The following CTTNBP2NL variants were observed in gnomAD, a reference collection of about 807,000 sequenced individuals.
CTTNBP2NL encodes the protein CTTNBP2 N-terminal-like protein.
Under a neutral mutation model 32.5 loss-of-function variants are expected in CTTNBP2NL, and 16 were observed. That is an observed-to-expected ratio of 0.49 (90% CI 0.33 to 0.75). The LOEUF is 0.75. CTTNBP2NL is among the 30% of genes least tolerant of loss of function. The pLI is 0.02. For missense variants in CTTNBP2NL, 645 were observed against 756.0 expected (o/e 0.85, Z 1.72); for synonymous variants, 298 against 289.4 (o/e 1.03, Z -0.30).
chr1:112,454,633 C>G (rs1650313479), intron 5 of CTTNBP2NL, 77 bp downstream of exon 5: 1 of 1,078,926 alleles, frequency 9.3e-7, no homozygotes, highest in Admixed American at 1.7e-5. Context: ...AGGATGCCAA[C>G]TGGTATTGTT....
At chr1:112,450,308 A>G (rs1162541267) in intron 4 of CTTNBP2NL, among the ~76,000 whole-genome samples, 1 of 152,224 alleles carries the variant, frequency 6.6e-6, no homozygotes, top group African/African-American at 2.4e-5. Context: ...GAAAATAGAC[A>G]GAATGTTCAG....
At chr1:112,450,722 GT>G (rs1338376156) in intron 4 of CTTNBP2NL, among the ~76,000 whole-genome samples, 1 of 149,036 alleles carries the variant, frequency 6.7e-6, no homozygotes, top group African/African-American at 2.5e-5. Context: ...AGTGCTAAAT[GT>G]TTTAAGTGAA....
At chr1:112,428,087 A>G (rs969191414) in intron 3 of CTTNBP2NL, among the ~76,000 whole-genome samples, 1 of 151,984 alleles carries the variant, frequency 6.6e-6, no homozygotes, top group Non-Finnish European at 1.5e-5. Context: ...ATATATATGT[A>G]TCCACACACA....
chr1:112,407,679 T>A (rs1648708867), intron 1 of CTTNBP2NL, among the ~76,000 whole-genome samples: 1 of 152,204 alleles, frequency 6.6e-6, no homozygotes, highest in South Asian at 2.1e-4. Context: ...TGTATTATAG[T>A]AATCCAAATA....
At position 112,460,511 on chromosome 1, in the gene CTTNBP2NL, G is replaced by A. The variant is rs190160967; in HGVS notation, c.*3099G>A. 81 of 152,278 alleles carry A rather than the reference G, an allele frequency of 5.3e-4. No homozygotes were observed. Among genetic ancestry groups the A allele is most frequent in the African/African-American group, 1.6e-3 (65 of 41,560 alleles). The allele number at this position is 152,278 out of a possible 1,614,324, so 9.4% of individuals were successfully genotyped here. On this transcript the variant is annotated 3_prime_UTR_variant, in exon 6 of 6. Transcript: ENST00000271277. Reference sequence around the variant, plus strand: ...TTTTTGAGAATCTTAGAAAAGCCATGGAGTTTATCCCTAGAAAAATGAATA... The same window carrying A: ...TTTTTGAGAATCTTAGAAAAGCCATAGAGTTTATCCCTAGAAAAATGAATA...
At chr1:112,450,445 A>G (rs1337163555) in intron 4 of CTTNBP2NL, among the ~76,000 whole-genome samples, 2 of 152,214 alleles carry the variant, frequency 1.3e-5, no homozygotes, top group African/African-American at 2.4e-5. Flanking sequence ...TTACACTCCA[A>G]TTTAAAAGGT....
At position 112,457,614 on chromosome 1, in the gene CTTNBP2NL, A is replaced by C; in HGVS notation, c.*202A>C. Reference sequence around the variant, plus strand: ...TTTTATGGCTCACATCTTTTTACTGAAGCCAGAAAGGCACCTCAAAGATGT... The same window carrying C: ...TTTTATGGCTCACATCTTTTTACTGCAGCCAGAAAGGCACCTCAAAGATGT... On this transcript the variant is annotated 3_prime_UTR_variant, in exon 6 of 6. Coordinates refer to ENST00000271277, the MANE Select transcript of CTTNBP2NL (RefSeq NM_018704.3). The C allele has an allele frequency of 1.9e-6, 1 of 520,044 alleles. No individual in the cohort carries two copies. The highest frequency in any genetic ancestry group is 3.3e-6 in the Non-Finnish European group (1 of 300,322). 32.2% of individuals were successfully genotyped at this position (520,044 alleles called of 1,614,324 possible). A position where few individuals can be genotyped will look rare whatever the true frequency, so the allele number is the denominator to read the frequency against.
intron 1 of CTTNBP2NL, among the ~76,000 whole-genome samples, chr1:112,402,735 C>G (rs1332044498): frequency 6.6e-6 from 1 of 152,136 alleles, no homozygotes; most frequent in African/African-American, 2.4e-5. Flanking sequence ...TGGTCTAGCC[C>G]TATATATCAG....
chr1:112,439,482 C>T lies in CTTNBP2NL; in HGVS notation c.100-9460C>T, dbSNP rs1310564236. ...AGTTAAGACCCATCTCACAGTTACG[C>T]AGCTTCAGATCTCTCTCCCATAGAA... On this transcript the variant is annotated intron_variant, in intron 3 of 5. Transcript: ENST00000271277. Among the ~76,000 whole-genome samples the T allele has an allele frequency of 2.6e-5, 4 of 152,174 alleles. No homozygotes were observed. The East Asian group carries it at 5.8e-4, about 22-fold the overall frequency.
At chr1:112,392,059 A>G (rs1268896245), upstream of CTTNBP2NL, among the ~76,000 whole-genome samples, 2 of 152,070 alleles carry the variant, frequency 1.3e-5, no homozygotes, top group African/African-American at 2.4e-5. Flanking sequence ...GGAAATTGCT[A>G]CTCAGCTCCA....
At chr1:112,447,088 C>T (rs1244674910) in intron 3 of CTTNBP2NL, among the ~76,000 whole-genome samples, 6 of 151,880 alleles carry the variant, frequency 4.0e-5, no homozygotes, top group African/African-American at 1.5e-4. Flanking sequence ...TCCTGGCTAA[C>T]ATGGTGAAAC....
Position 112,449,008 on chromosome 1 carries a change from G to T in CTTNBP2NL, c.166G>T (p.Ala56Ser). The change falls in exon 4 of 6, where the codon GCT becomes TCT. Residue 56 changes from alanine (A) to serine (S), a missense_variant. Physicochemically the swap from Ala to Ser is moderately conservative, Grantham distance 99. Coordinates refer to ENST00000271277, the MANE Select transcript of CTTNBP2NL (RefSeq NM_018704.3). ...ATATAACATCAGTGATCCTTTAATG[G>T]CTCTACAGAGAGATTTTGAAACACT... ...GKYNISDPLM[A>S]LQRDFETLKE... 1 of 1,613,158 alleles carries T rather than the reference G, an allele frequency of 6.2e-7. No individual in the cohort carries two copies. Among genetic ancestry groups the T allele is most frequent in the Non-Finnish European group, 8.5e-7 (1 of 1,179,132 alleles).
intron 3 of CTTNBP2NL, among the ~76,000 whole-genome samples, chr1:112,438,206 A>G (rs1392027363): frequency 6.6e-6 from 1 of 152,100 alleles, no homozygotes; most frequent in Non-Finnish European, 1.5e-5. Context: ...TGTTTGTGTC[A>G]TCTCTGATTT....
At chr1:112,444,930 A>AGT (rs1649994980) in intron 3 of CTTNBP2NL, among the ~76,000 whole-genome samples, 1 of 152,134 alleles carries the variant, frequency 6.6e-6, no homozygotes, top group South Asian at 2.1e-4. Context: ...AATTTACCAG[A>AGT]GTTGGTCTGT....
At chr1:112,425,874 C>T (rs1050422610) in intron 3 of CTTNBP2NL, among the ~76,000 whole-genome samples, 3 of 151,868 alleles carry the variant, frequency 2.0e-5, no homozygotes, top group African/African-American at 7.3e-5. Flanking sequence ...ATCAATCAGT[C>T]AGTCGTTTCC....
At chr1:112,399,035 T>A (rs1648416541) in intron 1 of CTTNBP2NL, among the ~76,000 whole-genome samples, 2 of 152,016 alleles carry the variant, frequency 1.3e-5, no homozygotes, top group Admixed American at 1.3e-4. Context: ...GAATAGTTTC[T>A]GAGGCCAGGC....
chr1:112,416,503 CT>C (rs11384993), intron 3 of CTTNBP2NL, among the ~76,000 whole-genome samples: 207 of 145,630 alleles, frequency 1.4e-3, no homozygotes, highest in Admixed American at 3.0e-3. Flanking sequence ...GAACTTCATT[CT>C]TTTTTTTTTT....
intron 3 of CTTNBP2NL, among the ~76,000 whole-genome samples, chr1:112,443,720 AAT>A (rs1213153837): frequency 6.6e-6 from 1 of 152,232 alleles, no homozygotes; most frequent in Admixed American, 6.5e-5. Context: ...TTTTCCAAAA[AAT>A]AAAGTTTAAT....
At chr1:112,454,405 G>A in intron 4 of CTTNBP2NL, 44 bp from the exon 5 acceptor site, 1 of 1,417,794 alleles carries the variant, frequency 7.1e-7, no homozygotes, top group Non-Finnish European at 1.0e-6. Context: ...TAATAAATGT[G>A]ACTCCTTGAT....
Sources: gnomAD v4.1 joint callset for allele counts (sites outside exome capture counted in the v4.1 genomes callset) on GRCh38, gnomAD v4.1.1 for gene constraint, MANE v1.5 for transcripts, NCBI Gene and HGNC (gene_info 2026-07-23, HGNC 2026-07-21) for gene names.